SLC24A2: variants seen among roughly 807,000 people sequenced by gnomAD.
SLC24A2 encodes the protein solute carrier family 24 member 2.
SLC24A2 carries 36 observed loss-of-function variants against 62.0 expected under a neutral mutation model. The ratio of observed to expected loss-of-function variants is 0.58; its 90% CI spans 0.44 to 0.77. SLC24A2 has a LOEUF of 0.77. Ranked by LOEUF, SLC24A2 falls within the 30% of genes least tolerant of loss-of-function variation. SLC24A2 has a pLI of 0.00. For synonymous variants in SLC24A2, 358 were observed against 294.0 expected, an observed-to-expected ratio of 1.22 and a Z score of -2.23; for missense variants, 846 against 817.9, an observed-to-expected ratio of 1.03 and a Z score of -0.42.
chr9:20,095,468 G>C, the SLC24A2 span, among the ~76,000 whole-genome samples: 1 of 152,154 alleles, frequency 6.6e-6, no homozygotes, highest in Non-Finnish European at 1.5e-5. Context: ...TTGTGGATGG[G>C]CCTCATCCTA....
At chr9:20,076,283 A>C in the SLC24A2 span, among the ~76,000 whole-genome samples, 6,158 of 152,286 alleles carry the variant, frequency 0.04, 149 homozygotes, top group South Asian at 0.079. Context: ...ATGATAAAAA[A>C]CTAGAGAGAG....
chr9:19,847,138 G>T, the SLC24A2 span, among the ~76,000 whole-genome samples: 1 of 152,156 alleles, frequency 6.6e-6, no homozygotes, highest in African/African-American at 2.4e-5. Flanking sequence ...AGAGCAAAAT[G>T]TCTAATGCTA....
the SLC24A2 span, among the ~76,000 whole-genome samples, chr9:20,079,678 T>A: frequency 6.6e-6 from 1 of 152,304 alleles, no homozygotes. Flanking sequence ...TTCTCAGAAA[T>A]GGAACCTGTA....
At chr9:20,004,556 T>C in the SLC24A2 span, among the ~76,000 whole-genome samples, 1 of 152,242 alleles carries the variant, frequency 6.6e-6, no homozygotes, top group Non-Finnish European at 1.5e-5. Context: ...TTTGTTTTAT[T>C]GAACAATGGG....
intron 2 of SLC24A2, among the ~76,000 whole-genome samples, chr9:19,746,568 T>A (rs1821838478): frequency 6.6e-6 from 1 of 152,074 alleles, no homozygotes; most frequent in South Asian, 2.1e-4. Context: ...ATATAAAATA[T>A]ACCCAAGGGC....
chr9:19,581,716 G>A (rs1366194638), intron 5 of SLC24A2, among the ~76,000 whole-genome samples: 2 of 152,242 alleles, frequency 1.3e-5, no homozygotes, highest in East Asian at 3.9e-4. Flanking sequence ...GGTGGTAAAG[G>A]GATTGCTCAG....
the SLC24A2 span, among the ~76,000 whole-genome samples, chr9:20,196,267 G>T: frequency 6.6e-6 from 1 of 152,162 alleles, no homozygotes; most frequent in Non-Finnish European, 1.5e-5. Context: ...GCTGTGAAAA[G>T]AAATAAGTAG....
At chr9:20,233,799 T>G in the SLC24A2 span, among the ~76,000 whole-genome samples, 1,304 of 152,348 alleles carry the variant, frequency 8.6e-3, 52 homozygotes, top group Admixed American at 0.07. Flanking sequence ...TGCTAGTTAG[T>G]TGATGCAGTT....
At chr9:20,033,025 A>T in the SLC24A2 span, among the ~76,000 whole-genome samples, 3 of 152,190 alleles carry the variant, frequency 2.0e-5, no homozygotes, top group African/African-American at 7.2e-5. Context: ...CAAAAGGTTG[A>T]ATATAATTTT....
At chr9:20,129,404 C>A in the SLC24A2 span, among the ~76,000 whole-genome samples, 17 of 152,178 alleles carry the variant, frequency 1.1e-4, no homozygotes, top group South Asian at 3.5e-3. Context: ...ATAGAATTAC[C>A]ATAGGACCCA....
chr9:20,112,751 G>T, the SLC24A2 span, among the ~76,000 whole-genome samples: 1 of 151,998 alleles, frequency 6.6e-6, no homozygotes, highest in African/African-American at 2.4e-5. Context: ...GAGGTGGCTT[G>T]TCTGAAGGCG....
the SLC24A2 span, among the ~76,000 whole-genome samples, chr9:19,814,733 C>G: frequency 6.6e-6 from 1 of 152,112 alleles, no homozygotes; most frequent in Non-Finnish European, 1.5e-5. Context: ...CTGTGATTCT[C>G]TTATGAAAAT....
At chr9:20,253,581 T>C in the SLC24A2 span, among the ~76,000 whole-genome samples, 1 of 152,188 alleles carries the variant, frequency 6.6e-6, no homozygotes, top group East Asian at 1.9e-4. Flanking sequence ...TAAAATGTGA[T>C]GTCCAGACCC....
chr9:20,013,043 G>C, the SLC24A2 span, among the ~76,000 whole-genome samples: 1 of 152,110 alleles, frequency 6.6e-6, no homozygotes, highest in East Asian at 1.9e-4. Context: ...TCACAGAAAT[G>C]GAAAAAACAA....
At chr9:19,571,577 TG>T (rs1217041392) in intron 7 of SLC24A2, among the ~76,000 whole-genome samples, 1 of 152,176 alleles carries the variant, frequency 6.6e-6, no homozygotes, top group East Asian at 1.9e-4. Flanking sequence ...TCAGCATCAC[TG>T]GGGAGCTCAT....
rs148811778 is a variant in SLC24A2 at position 19,573,373 on chromosome 9, T to A, written c.1325A>T (p.Asn442Ile). ...TACCTGGGCTTCTGCACCTTCAATG[T>A]TGTGGGAGAGATTTCCATTTTGTAC... ...EPVQNGNLSH[N>I]IEGAEAQTAD... Residue 442 changes from asparagine (N) to isoleucine (I), a missense_variant, in exon 7 of 11, where the codon AAC (asparagine) becomes ATC (isoleucine). Transcript: ENST00000341998. 6.2e-7 allele frequency: 1 copy of A among 1,611,972 alleles called. No individual in the cohort carries two copies. Among genetic ancestry groups the A allele is most frequent in the Non-Finnish European group, 8.5e-7 (1 of 1,178,228 alleles).
chr9:19,862,153 CA>C, the SLC24A2 span, among the ~76,000 whole-genome samples: 1 of 152,112 alleles, frequency 6.6e-6, no homozygotes, highest in South Asian at 2.1e-4. Context: ...ATTTAATAAT[CA>C]AACTCCCAAA....
At chr9:20,098,958 C>A in the SLC24A2 span, among the ~76,000 whole-genome samples, 11 of 152,146 alleles carry the variant, frequency 7.2e-5, no homozygotes, top group African/African-American at 2.7e-4. Context: ...AGGATATACA[C>A]AACTTACTGA....
chr9:20,227,303 G>T, the SLC24A2 span, among the ~76,000 whole-genome samples: 1 of 152,076 alleles, frequency 6.6e-6, no homozygotes. Context: ...TTTGGTATGT[G>T]ATGGTGTGTA....
Sources: gnomAD v4.1 joint callset for allele counts (sites outside exome capture counted in the v4.1 genomes callset) on GRCh38, gnomAD v4.1.1 for gene constraint, MANE v1.5 for transcripts, NCBI Gene and HGNC (gene_info 2026-07-23, HGNC 2026-07-21) for gene names.